The following SLC8A1 variants were observed in gnomAD, a reference collection of about 807,000 sequenced individuals.
SLC8A1 encodes the protein solute carrier family 8 member A1.
Under a neutral mutation model 68.3 loss-of-function variants are expected in SLC8A1, and 18 were observed. The observed-to-expected ratio is 0.26, with a 90% confidence interval of 0.18 to 0.39. SLC8A1 has a LOEUF of 0.39. SLC8A1 is among the 10% of genes least tolerant of loss of function. The pLI is 1.00. For missense variants in SLC8A1, 985 were observed against 1,156.7 expected (o/e 0.85, Z 2.15); for synonymous variants, 475 against 415.5 (o/e 1.14, Z -1.74).
At chr2:40,433,521 G>T (rs532875074) in intron 1 of SLC8A1, among the ~76,000 whole-genome samples, 25 of 152,238 alleles carry the variant, frequency 1.6e-4, no homozygotes, top group African/African-American at 5.5e-4. Flanking sequence ...CAGCATTGCT[G>T]TTATAAAATG....
At chr2:40,334,043 A>T (rs1231209549) in intron 2 of SLC8A1, among the ~76,000 whole-genome samples, 1 of 152,174 alleles carries the variant, frequency 6.6e-6, no homozygotes, top group Non-Finnish European at 1.5e-5. Flanking sequence ...GAGAAACTCC[A>T]TCTCAAAAAC....
At chr2:40,242,141 T>C (rs150537817) in intron 2 of SLC8A1, among the ~76,000 whole-genome samples, 2 of 152,092 alleles carry the variant, frequency 1.3e-5, no homozygotes, top group Admixed American at 6.5e-5. Flanking sequence ...GATGTGTGTG[T>C]GTGTGCGTGT....
At chr2:40,373,751 T>C (rs1678908069) in intron 2 of SLC8A1, among the ~76,000 whole-genome samples, 1 of 152,084 alleles carries the variant, frequency 6.6e-6, no homozygotes, top group African/African-American at 2.4e-5. Context: ...AAACAAAATA[T>C]TCATGTAAGG....
At chr2:40,219,119 C>A (rs1641455) in intron 2 of SLC8A1, among the ~76,000 whole-genome samples, 3 of 151,824 alleles carry the variant, frequency 2.0e-5, no homozygotes, top group Non-Finnish European at 2.9e-5. Context: ...TTCTCCTAAT[C>A]TTGGGGAACC....
chr2:40,227,350 CAG>C (rs1339008345), intron 2 of SLC8A1, among the ~76,000 whole-genome samples: 1 of 152,054 alleles, frequency 6.6e-6, no homozygotes, highest in African/African-American at 2.4e-5. Context: ...TGTGATCTCA[CAG>C]AGTGTTCTGT....
rs1298589114 is a variant in SLC8A1 at position 40,164,838 on chromosome 2, G to A, written c.2061+16C>T. On this transcript the variant is annotated intron_variant, in intron 5 of 7. Transcript: ENST00000406785. Reference sequence around the variant, plus strand: ...AGGTGAGACTGGCTCCTGGTGGGCAGTGTTGGTGAGCATACCTTGAATTCA... The same window carrying A: ...AGGTGAGACTGGCTCCTGGTGGGCAATGTTGGTGAGCATACCTTGAATTCA... 1.9e-6 allele frequency: 3 copies of A among 1,613,212 alleles called. No homozygotes were observed. Among genetic ancestry groups the A allele is most frequent in the Admixed American group, 1.7e-5 (1 of 59,994 alleles).
intron 2 of SLC8A1, among the ~76,000 whole-genome samples, chr2:40,304,713 C>T (rs2072240760): frequency 6.6e-6 from 1 of 152,120 alleles, no homozygotes; most frequent in African/African-American, 2.4e-5. Flanking sequence ...TCACTGATCA[C>T]CTCCACTGTC....
At chr2:40,412,208 A>G (rs1006740868) in intron 2 of SLC8A1, among the ~76,000 whole-genome samples, 1 of 152,072 alleles carries the variant, frequency 6.6e-6, no homozygotes, top group Non-Finnish European at 1.5e-5. Flanking sequence ...TCAAGGAGAA[A>G]GTGATCTCAT....
At chr2:40,463,863 C>T (rs929797746) in intron 1 of SLC8A1, among the ~76,000 whole-genome samples, 52 of 146,390 alleles carry the variant, frequency 3.6e-4, no homozygotes, top group African/African-American at 1.2e-3. Flanking sequence ...CACACACACA[C>T]ACACACACAC....
chr2:40,393,219 G>GA (rs1404099337), intron 2 of SLC8A1, among the ~76,000 whole-genome samples: 1 of 120,460 alleles, frequency 8.3e-6, no homozygotes, highest in African/African-American at 3.5e-5. Context: ...TGAAAATTCC[G>GA]AAAGTACAAT....
At position 40,305,495 on chromosome 2, in the gene SLC8A1, T is replaced by A. The variant is rs1395614715; in HGVS notation, c.1808+122978A>T. On this transcript the variant is annotated intron_variant, in intron 2 of 7. Transcript: ENST00000406785. Reference sequence around the variant, plus strand: ...GGAGACAAATATATAAATTAATAACTGAGAGGATGGATCAAGTTATAGAAG... The same window carrying A: ...GGAGACAAATATATAAATTAATAACAGAGAGGATGGATCAAGTTATAGAAG... Among the ~76,000 whole-genome samples, 6 of 152,176 alleles carry A rather than the reference T, an allele frequency of 3.9e-5. No individual in the cohort carries two copies. In the East Asian group the frequency reaches 1.2e-3, roughly 29 times the overall value.
intron 2 of SLC8A1, among the ~76,000 whole-genome samples, chr2:40,214,495 T>A (rs1180069100): frequency 6.6e-6 from 1 of 151,018 alleles, no homozygotes; most frequent in East Asian, 1.9e-4. Flanking sequence ...TGGGCTGGAG[T>A]GCAATGGCGC....
intron 2 of SLC8A1, among the ~76,000 whole-genome samples, chr2:40,229,072 A>G (rs1452711367): frequency 6.6e-6 from 1 of 152,122 alleles, no homozygotes; most frequent in South Asian, 2.1e-4. Flanking sequence ...TTTTTATTTT[A>G]TACATAATCT....
chr2:40,473,950 T>C (rs936069449), intron 1 of SLC8A1, among the ~76,000 whole-genome samples: 38 of 152,324 alleles, frequency 2.5e-4, no homozygotes, highest in Non-Finnish European at 5.0e-4. Flanking sequence ...CATAATCTCA[T>C]TTAGTATCGA....
chr2:40,394,997 G>A (rs995694426), intron 2 of SLC8A1, among the ~76,000 whole-genome samples: 5 of 152,146 alleles, frequency 3.3e-5, no homozygotes, highest in African/African-American at 1.2e-4. Flanking sequence ...CACAAAAGAT[G>A]TGCACAAATG....
chr2:40,296,995 C>T (rs1462778139), intron 2 of SLC8A1, among the ~76,000 whole-genome samples: 5 of 152,014 alleles, frequency 3.3e-5, no homozygotes, highest in Non-Finnish European at 5.9e-5. Context: ...CCCTCCTTGA[C>T]CTCATATTTC....
At chr2:40,141,834 T>C (rs1347098618) in intron 6 of SLC8A1, among the ~76,000 whole-genome samples, 1 of 152,142 alleles carries the variant, frequency 6.6e-6, no homozygotes, top group African/African-American at 2.4e-5. Flanking sequence ...GTCCTTATAA[T>C]AGGAAATTGG....
chr2:40,294,551 G>T (rs895475867), intron 2 of SLC8A1, among the ~76,000 whole-genome samples: 1 of 151,970 alleles, frequency 6.6e-6, no homozygotes, highest in African/African-American at 2.4e-5. Flanking sequence ...TATATATATG[G>T]GGAGAGAGAG....
chr2:40,205,099 T>C (rs986768469), intron 2 of SLC8A1, among the ~76,000 whole-genome samples: 2 of 152,040 alleles, frequency 1.3e-5, no homozygotes, highest in Non-Finnish European at 2.9e-5. Flanking sequence ...GGCCAACTTA[T>C]TTCCTTTTAA....
Sources: allele counts gnomAD v4.1 joint callset (sites outside exome capture counted in the v4.1 genomes callset), GRCh38; gene constraint gnomAD v4.1.1; transcripts MANE v1.5; gene names NCBI Gene and HGNC (gene_info 2026-07-23, HGNC 2026-07-21).